The following SNX29 variants were observed in gnomAD, a reference collection of about 807,000 sequenced individuals.
The protein encoded by SNX29 is sorting nexin-29.
In SNX29, 78 loss-of-function variants were observed where a neutral mutation model predicts 102.1. The ratio of observed to expected loss-of-function variants is 0.76; its 90% CI spans 0.64 to 0.92. The LOEUF (loss-of-function observed/expected upper bound fraction) is 0.92, where lower values mean the gene tolerates loss of function less well. Among genes scored for constraint, SNX29 ranks in the 40% least tolerant of loss-of-function variants. The pLI, the probability that SNX29 is intolerant of heterozygous loss-of-function variation, is 0.00. For missense variants in SNX29, 1,280 were observed against 1,061.7 expected (o/e 1.21, Z -2.86); for synonymous variants, 580 against 414.5 (o/e 1.40, Z -4.85).
At chr16:12,369,085 C>T (rs552122616) in intron 16 of SNX29, among the ~76,000 whole-genome samples, 1 of 152,114 alleles carries the variant, frequency 6.6e-6, no homozygotes, top group Non-Finnish European at 1.5e-5. Flanking sequence ...GGAGTAATCT[C>T]AAGACCCTGG....
At chr16:12,564,981 G>A (rs1045556898) in intron 20 of SNX29, among the ~76,000 whole-genome samples, 2 of 151,042 alleles carry the variant, frequency 1.3e-5, no homozygotes, top group African/African-American at 4.9e-5. Context: ...AGGCGTTTCA[G>A]CTTCCGACTA....
intron 13 of SNX29, among the ~76,000 whole-genome samples, chr16:12,168,493 G>A (rs546490723): frequency 3.2e-4 from 49 of 152,280 alleles, no homozygotes; most frequent in Middle Eastern, 3.4e-3. Flanking sequence ...AGGTTCCTCT[G>A]CTCCTAGGTC....
chr16:12,398,300 TA>T, intron 16 of SNX29, 145 bp from the exon 17 acceptor site: 1 of 828,938 alleles, frequency 1.2e-6, no homozygotes, highest in Non-Finnish European at 2.0e-6. Context: ...CACAATCTCT[TA>T]CCGTTTTCCA....
chr16:12,463,901 A>G (rs1454909597), intron 18 of SNX29, among the ~76,000 whole-genome samples: 2 of 150,976 alleles, frequency 1.3e-5, no homozygotes, highest in African/African-American at 4.9e-5. Context: ...TTGAGTAAAC[A>G]GTACCATGGT....
intron 20 of SNX29, among the ~76,000 whole-genome samples, chr16:12,552,089 G>C (rs1291315426): frequency 6.6e-6 from 1 of 152,302 alleles, no homozygotes; most frequent in Non-Finnish European, 1.5e-5. Flanking sequence ...ACTCAACTGT[G>C]CTATCCTCAG....
intron 11 of SNX29, among the ~76,000 whole-genome samples, chr16:12,102,928 A>C (rs968639341): frequency 6.6e-6 from 1 of 152,210 alleles, no homozygotes; most frequent in Non-Finnish European, 1.5e-5. Context: ...TAGAGAGCCA[A>C]ATCACGAGTG....
intron 15 of SNX29, among the ~76,000 whole-genome samples, chr16:12,309,996 A>T (rs2080475505): frequency 6.6e-6 from 1 of 152,214 alleles, no homozygotes; most frequent in African/African-American, 2.4e-5. Context: ...TCACCAAGAT[A>T]AACACAGACG....
intron 12 of SNX29, among the ~76,000 whole-genome samples, chr16:12,127,691 A>C (rs546121846): frequency 2.6e-5 from 4 of 152,118 alleles, no homozygotes; most frequent in African/African-American, 4.8e-5. Flanking sequence ...CAAAGTGCTA[A>C]GATTATAGAC....
intron 1 of SNX29, among the ~76,000 whole-genome samples, chr16:11,998,843 TAGTG>T (rs139870379): frequency 0.012 from 1,768 of 152,328 alleles, 33 homozygotes; most frequent in African/African-American, 0.04. Flanking sequence ...TTGGAGATGA[TAGTG>T]AGAACAGCCA....
chr16:12,330,643 G>T (rs1179163175), intron 15 of SNX29, among the ~76,000 whole-genome samples: 4 of 152,232 alleles, frequency 2.6e-5, no homozygotes, highest in Non-Finnish European at 4.4e-5. Context: ...GCAGGCAGCG[G>T]AGCCAGGCGG....
chr16:12,263,634 T>C (rs140644346), intron 14 of SNX29, among the ~76,000 whole-genome samples: 11 of 152,338 alleles, frequency 7.2e-5, no homozygotes, highest in East Asian at 3.9e-4. Flanking sequence ...ATGTTACTTA[T>C]ATAATTTGAG....
intron 1 of SNX29, among the ~76,000 whole-genome samples, chr16:11,993,336 G>A (rs549669032): frequency 4.6e-5 from 7 of 151,934 alleles, no homozygotes; most frequent in South Asian, 2.1e-4. Context: ...TCCTCCCCAC[G>A]TGCCAGGGGT....
intron 13 of SNX29, among the ~76,000 whole-genome samples, chr16:12,145,526 T>G (rs1211473733): frequency 6.6e-6 from 1 of 152,188 alleles, no homozygotes; most frequent in Non-Finnish European, 1.5e-5. Context: ...GAAAGTAATT[T>G]GCAAGTTAGA....
intron 13 of SNX29, among the ~76,000 whole-genome samples, chr16:12,196,584 A>G (rs1308393884): frequency 6.7e-6 from 1 of 149,792 alleles, no homozygotes; most frequent in Non-Finnish European, 1.5e-5. Context: ...CACAGTCCAC[A>G]TTGGCAACAC....
chr16:12,258,878 C>G (rs1296670692), intron 14 of SNX29, among the ~76,000 whole-genome samples: 1 of 152,152 alleles, frequency 6.6e-6, no homozygotes, highest in Non-Finnish European at 1.5e-5. Flanking sequence ...CTTCCAGCCT[C>G]CCTTGGGAAA....
Position 12,571,663 on chromosome 16 carries a change from G to C in SNX29, c.*3034G>C, listed in dbSNP as rs898817309. On this transcript the variant is annotated 3_prime_UTR_variant, in exon 21 of 21. Transcript: ENST00000566228. Reference sequence around the variant, plus strand: ...GATGAAAGACGACTCAGGAACGGTAGGGCTGGGCAGAGGTGTCTCTCCTTG... The same window carrying C: ...GATGAAAGACGACTCAGGAACGGTACGGCTGGGCAGAGGTGTCTCTCCTTG... 1 of 1,059,514 alleles carries C rather than the reference G, an allele frequency of 9.4e-7. No individual in the cohort carries two copies. The highest frequency in any genetic ancestry group is 1.6e-5 in the African/African-American group (1 of 60,824). The allele number at this position is 1,059,514 out of a possible 1,614,324, so 65.6% of individuals were successfully genotyped here. A position where few individuals can be genotyped will look rare whatever the true frequency, so the allele number is the denominator to read the frequency against.
chr16:12,123,250 TC>T (rs35046104), intron 11 of SNX29, among the ~76,000 whole-genome samples: 1 of 152,164 alleles, frequency 6.6e-6, no homozygotes, highest in African/African-American at 2.4e-5. Flanking sequence ...ATACGCCACC[TC>T]CCCGAGTGAA....
At chr16:12,094,103 CTG>C (rs1270451010) in intron 11 of SNX29, among the ~76,000 whole-genome samples, 6 of 152,190 alleles carry the variant, frequency 3.9e-5, no homozygotes, top group Non-Finnish European at 8.8e-5. Context: ...TTTAAGCTAA[CTG>C]TGCCTCAGCG....
At chr16:12,466,516 G>A (rs946221591) in intron 18 of SNX29, among the ~76,000 whole-genome samples, 1 of 152,210 alleles carries the variant, frequency 6.6e-6, no homozygotes, top group African/African-American at 2.4e-5. Context: ...AGATGAACCT[G>A]CCGTCAGATG....
Sources: allele counts gnomAD v4.1 joint callset (sites outside exome capture counted in the v4.1 genomes callset), GRCh38; gene constraint gnomAD v4.1.1; transcripts MANE v1.5; gene names NCBI Gene and HGNC (gene_info 2026-07-23, HGNC 2026-07-21).